Variants in NLGN4X observed in about 807,000 individuals in gnomAD.
NLGN4X encodes the protein neuroligin 4 X-linked.
NLGN4X carries 3 observed loss-of-function variants against 40.3 expected under a neutral mutation model. The observed-to-expected ratio is 0.07, with a 90% confidence interval of 0.03 to 0.19. The LOEUF (loss-of-function observed/expected upper bound fraction) is 0.19. NLGN4X is among the 10% of genes least tolerant of loss of function. NLGN4X has a pLI of 1.00. For missense variants in NLGN4X, 382 were observed against 708.3 expected (o/e 0.54, Z 5.23); for synonymous variants, 270 against 306.8 (o/e 0.88, Z 1.25).
chrX:6,142,347 T>C (rs188114205), intron 2 of NLGN4X, among the ~76,000 whole-genome samples: 3 of 112,499 alleles, frequency 2.7e-5, no homozygotes, highest in Middle Eastern at 4.6e-3. Flanking sequence ...CTTTTTGAGC[T>C]GGGGGAGAGA....
At chrX:6,162,611 G>C (rs918915650) in intron 1 of NLGN4X, among the ~76,000 whole-genome samples, 2 of 111,402 alleles carry the variant, frequency 1.8e-5, no homozygotes, top group African/African-American at 6.5e-5. Flanking sequence ...CAGATGGCCT[G>C]TTGTGGGACC....
At chrX:6,044,531 T>A (rs920512886) in intron 2 of NLGN4X, among the ~76,000 whole-genome samples, 4 of 111,348 alleles carry the variant, frequency 3.6e-5, no homozygotes, top group Non-Finnish European at 7.5e-5. Flanking sequence ...GGTTTTTTTA[T>A]GGAAGATTTT....
At position 6,160,649 on chromosome X, in the gene NLGN4X, G is replaced by A. The variant is rs527326819; in HGVS notation, c.-305-8878C>T. ...GGATTATCTTGCCTCAGCCTCCTGA[G>A]TAGCCAGGACTACAAGCATATGCCC... On this transcript the variant is annotated intron_variant, in intron 1 of 5. Transcript: ENST00000381095. Among the ~76,000 whole-genome samples the A allele has an allele frequency of 9.3e-4, 100 of 107,931 alleles. 2 individuals are homozygous for A. In the South Asian group the frequency reaches 0.039, roughly 42 times the overall value. 93.7% of individuals were successfully genotyped at this position (107,931 alleles called of 115,157 possible). A position where few individuals can be genotyped will look rare whatever the true frequency, so the allele number is the denominator to read the frequency against.
At chrX:6,007,315 G>A (rs898132240) in intron 3 of NLGN4X, among the ~76,000 whole-genome samples, 1 of 110,711 alleles carries the variant, frequency 9.0e-6, no homozygotes, top group Non-Finnish European at 1.9e-5. Context: ...ACTATAAAGT[G>A]TCAGGAGGTG....
At chrX:6,018,585 C>T (rs1343049800) in intron 3 of NLGN4X, among the ~76,000 whole-genome samples, 1 of 111,542 alleles carries the variant, frequency 9.0e-6, no homozygotes, top group Non-Finnish European at 1.9e-5. Context: ...GTCAGCCTCG[C>T]GAGTAGCTGA....
chrX:5,921,600 T>C (rs1328643842), intron 3 of NLGN4X, among the ~76,000 whole-genome samples: 2 of 111,276 alleles, frequency 1.8e-5, no homozygotes, highest in South Asian at 3.8e-4. Flanking sequence ...ACCAACAGCC[T>C]GGGAGGGCTG....
chrX:6,023,847 T>C (rs1221419033), intron 3 of NLGN4X, among the ~76,000 whole-genome samples: 4 of 111,855 alleles, frequency 3.6e-5, no homozygotes, highest in Non-Finnish European at 7.5e-5. Context: ...TGGAGGTAGA[T>C]GAAATCCACT....
chrX:6,206,985 T>C lies in NLGN4X; in HGVS notation c.-306+21556A>G, dbSNP rs138705253. On this transcript the variant is annotated intron_variant, in intron 1 of 5. Coordinates refer to ENST00000381095, the MANE Select transcript of NLGN4X (RefSeq NM_181332.3). Reference sequence around the variant, plus strand: ...GGTATTTTAGTTTCAATCACTAAAATGTCAAGCCTGGAACAAAGTAGAACA... The same window carrying C: ...GGTATTTTAGTTTCAATCACTAAAACGTCAAGCCTGGAACAAAGTAGAACA... 8.0e-3 allele frequency among the ~76,000 whole-genome samples: 891 copies of C among 111,175 alleles called. 3 individuals carry two copies. The highest frequency in any genetic ancestry group is 0.026 in the African/African-American group (788 of 30,582).
chrX:5,934,729 A>T (rs899429598), intron 3 of NLGN4X, among the ~76,000 whole-genome samples: 1 of 112,261 alleles, frequency 8.9e-6, no homozygotes. Flanking sequence ...ATAATTTGTT[A>T]TGACAGTTTA....
chrX:6,059,853 T>G (rs2147324578), intron 2 of NLGN4X, among the ~76,000 whole-genome samples: 1 of 111,722 alleles, frequency 9.0e-6, no homozygotes, highest in African/African-American at 3.3e-5. Flanking sequence ...ACTAAGTAAT[T>G]TTTCAGCATG....
At chrX:6,124,336 G>A (rs2147592621) in intron 2 of NLGN4X, among the ~76,000 whole-genome samples, 1 of 111,658 alleles carries the variant, frequency 9.0e-6, no homozygotes, top group East Asian at 2.8e-4. Context: ...AAATGTTACA[G>A]TAGAATAAAA....
At chrX:6,102,513 T>C (rs1181644449) in intron 2 of NLGN4X, among the ~76,000 whole-genome samples, 1 of 110,940 alleles carries the variant, frequency 9.0e-6, no homozygotes, top group Non-Finnish European at 1.9e-5. Flanking sequence ...CACCAGACAC[T>C]GAATCTGTAA....
intron 2 of NLGN4X, among the ~76,000 whole-genome samples, chrX:6,037,018 A>G (rs1294363342): frequency 9.0e-6 from 1 of 111,573 alleles, no homozygotes; most frequent in Non-Finnish European, 1.9e-5. Context: ...CTTTGTAAAG[A>G]ATTTGGAAAA....
At chrX:6,188,974 T>C (rs1206286699) in intron 1 of NLGN4X, among the ~76,000 whole-genome samples, 3 of 112,352 alleles carry the variant, frequency 2.7e-5, no homozygotes, top group Non-Finnish European at 5.6e-5. Context: ...AATTTTCGAG[T>C]ATTAAATAGG....
intron 3 of NLGN4X, among the ~76,000 whole-genome samples, chrX:5,988,066 C>T (rs1602012670): frequency 8.9e-6 from 1 of 111,886 alleles, no homozygotes; most frequent in South Asian, 3.8e-4. Flanking sequence ...TAGAGTTACA[C>T]CCTGTCTGCT....
chrX:6,012,179 T>C (rs752705627), intron 3 of NLGN4X, among the ~76,000 whole-genome samples: 1 of 112,811 alleles, frequency 8.9e-6, no homozygotes, highest in South Asian at 3.6e-4. Context: ...TTTTGCTTTA[T>C]ATTTATAGCC....
intron 3 of NLGN4X, among the ~76,000 whole-genome samples, chrX:6,015,591 T>C (rs1440772608): frequency 8.9e-6 from 1 of 111,825 alleles, no homozygotes; most frequent in Non-Finnish European, 1.9e-5. Flanking sequence ...CCCAATAGAC[T>C]GATCAAGTCC....
rs2040397586 is a variant in NLGN4X, at chrX:6,161,447, GAAT to G, written c.-305-9679_-305-9677del. ...TATAAAATATATTATTCTACATATA[GAAT>G]AATATAAAATATAATAAAAAACATA... On this transcript the variant is annotated intron_variant, in intron 1 of 5. Coordinates refer to ENST00000381095, the MANE Select transcript of NLGN4X (RefSeq NM_181332.3). 3.3e-5 allele frequency among the ~76,000 whole-genome samples: 3 copies of G among 89,900 alleles called. No homozygotes were observed. The Admixed American group carries it at 4.2e-4, about 13-fold the overall frequency. 78.1% of individuals were successfully genotyped at this position (89,900 alleles called of 115,157 possible).
chrX:6,115,251 C>T (rs2039251751), intron 2 of NLGN4X, among the ~76,000 whole-genome samples: 1 of 111,224 alleles, frequency 9.0e-6, no homozygotes, highest in Admixed American at 9.6e-5. Flanking sequence ...GACATTTATT[C>T]TTAGGGACTG....
Sources: allele counts gnomAD v4.1 joint callset (sites outside exome capture counted in the v4.1 genomes callset), GRCh38; gene constraint gnomAD v4.1.1; transcripts MANE v1.5; gene names NCBI Gene and HGNC (gene_info 2026-07-23, HGNC 2026-07-21).